DYNC2I1: variants seen among roughly 807,000 people sequenced by gnomAD.
DYNC2I1 encodes the protein cytoplasmic dynein 2 intermediate chain 1.
A neutral mutation model predicts 133.4 loss-of-function variants in DYNC2I1; 89 were observed. The ratio of observed to expected loss-of-function variants is 0.67; its 90% confidence interval spans 0.56 to 0.80. The LOEUF (loss-of-function observed/expected upper bound fraction) is 0.80. Among genes scored for constraint, DYNC2I1 ranks in the 30% least tolerant of loss-of-function variants. The pLI, the probability that DYNC2I1 is intolerant of heterozygous loss-of-function variation, is 0.00. For synonymous variants in DYNC2I1, 504 were observed against 484.3 expected, an observed-to-expected ratio of 1.04 and a Z score of -0.54; for missense variants, 1,291 against 1,314.5, an observed-to-expected ratio of 0.98 and a Z score of 0.28.
In DYNC2I1 at chr7:158,879,285, T is replaced by G. The variant is rs532128789; in HGVS notation, c.574-399T>G. On this transcript the variant is annotated intron_variant, in intron 4 of 24. Transcript: ENST00000407559. Reference sequence around the variant, plus strand: ...AGTTCTGTAAGTTTTCCTCCTTTTATTGTAACATTTATAAAGACAGCACAG... The same window carrying G: ...AGTTCTGTAAGTTTTCCTCCTTTTAGTGTAACATTTATAAAGACAGCACAG... Among the ~76,000 whole-genome samples, 22 of 152,176 alleles carry G rather than the reference T, an allele frequency of 1.4e-4. 1 individual carries two copies. Among genetic ancestry groups the G allele is most frequent in the Non-Finnish European group, 2.5e-4 (17 of 67,974 alleles).
chr7:158,894,443 T>G (rs1845584267), intron 8 of DYNC2I1, among the ~76,000 whole-genome samples: 1 of 152,252 alleles, frequency 6.6e-6, no homozygotes, highest in Non-Finnish European at 1.5e-5. Context: ...AGAATCATAC[T>G]GTTTGTAGCC....
chr7:158,906,006 T>A lies in DYNC2I1; in HGVS notation c.1375T>A (p.Ser459Thr). 3 of 1,613,884 alleles carry A rather than the reference T, an allele frequency of 1.9e-6. No individual in the cohort carries two copies. Among genetic ancestry groups the A allele is most frequent in the Non-Finnish European group, 2.5e-6 (3 of 1,179,818 alleles). Residue 459 changes from serine (S) to threonine (T), a missense_variant, in exon 11 of 25, where the codon TCC (serine) becomes ACC (threonine). Coordinates refer to ENST00000407559, the MANE Select transcript of DYNC2I1 (RefSeq NM_018051.5). ...EPRTDTNSSPSRASVCGIFVD... is the reference protein window; with the variant it reads ...EPRTDTNSSPTRASVCGIFVD... ...TCACACAGATACAAACAGTTCCCCT[T>A]CCAGAGCCTCTGTTTGTGGAATTTT...
At chr7:158,949,480 C>T (rs570567646), downstream of DYNC2I1, among the ~76,000 whole-genome samples, 7 of 151,906 alleles carry the variant, frequency 4.6e-5, no homozygotes, top group South Asian at 6.2e-4. Context: ...AGTGTGTAGA[C>T]GAGAGCCAGG....
the DYNC2I1 span, among the ~76,000 whole-genome samples, chr7:158,850,908 G>A: frequency 1.3e-5 from 2 of 151,948 alleles, no homozygotes; most frequent in Admixed American, 6.6e-5. Flanking sequence ...TTTATGAGGA[G>A]CTGCTGGAGT....
At chr7:158,956,908 C>T (rs190749670), downstream of DYNC2I1, among the ~76,000 whole-genome samples, 5 of 152,312 alleles carry the variant, frequency 3.3e-5, no homozygotes, top group Admixed American at 3.3e-4. Flanking sequence ...TTCGAGCAAG[C>T]GTGGCTGGAC....
chr7:158,934,339 ATTGT>A lies in DYNC2I1; in HGVS notation c.2647-75_2647-72del, dbSNP rs1287279937. On this transcript the variant is annotated intron_variant, in intron 22 of 24. Transcript: ENST00000407559. ...TTACTCTTTTCTTTATAAAGTTTAA[ATTGT>A]TTGAGGAACAGTAGCTGTATCCAAT... The A allele has an allele frequency of 1.9e-6, 3 of 1,544,662 alleles. No individual in the cohort carries two copies. In the East Asian group the frequency reaches 6.9e-5, roughly 35 times the overall value.
rs76275004 is a variant in DYNC2I1, at chr7:158,914,043, A to G, written c.1703-190A>G. 5.9e-5 allele frequency among the ~76,000 whole-genome samples: 9 copies of G among 152,324 alleles called. No homozygotes were observed. The East Asian group carries it at 1.3e-3, about 23-fold the overall frequency. On this transcript the variant is annotated intron_variant, in intron 13 of 24. Transcript: ENST00000407559. The stretch of plus-strand genomic sequence containing the variant: ...TTTCTAAATGCATTTACAGACTTCT[A>G]TAAAACAATATGCAGTTGTTTTGGG...
intron 8 of DYNC2I1, among the ~76,000 whole-genome samples, chr7:158,897,013 T>A (rs1037532763): frequency 6.7e-6 from 1 of 149,270 alleles, no homozygotes; most frequent in Non-Finnish European, 1.5e-5. Context: ...AGACAGAGTC[T>A]CTCTCTGTCT....
chr7:158,850,106 G>A, the DYNC2I1 span, among the ~76,000 whole-genome samples: 5 of 152,244 alleles, frequency 3.3e-5, no homozygotes, highest in Non-Finnish European at 7.3e-5. Flanking sequence ...CCCTGAGCCT[G>A]CAGAGCTGGG....
chr7:158,893,537 G>GA (rs1845441172), intron 8 of DYNC2I1, among the ~76,000 whole-genome samples: 2 of 152,130 alleles, frequency 1.3e-5, no homozygotes, highest in Non-Finnish European at 2.9e-5. Flanking sequence ...ATAATTTATT[G>GA]ACTGCAGCAC....
chr7:158,844,046 A>G, the DYNC2I1 span, among the ~76,000 whole-genome samples: 1 of 152,302 alleles, frequency 6.6e-6, no homozygotes, highest in South Asian at 2.1e-4. Context: ...TCTCCAGCTC[A>G]ATGGATCTAT....
chr7:158,887,005 T>G lies in DYNC2I1; in HGVS notation c.936-16T>G, dbSNP rs889774348. On this transcript the variant is annotated splice_polypyrimidine_tract_variant and intron_variant, in intron 6 of 24. Coordinates refer to ENST00000407559, the MANE Select transcript of DYNC2I1 (RefSeq NM_018051.5). Reference sequence around the variant, plus strand: ...ATTTAAAGTAAGTTTTGATTTTGATTATGTTTGCTTTCCAGGCATGCTGAG... The same window carrying G: ...ATTTAAAGTAAGTTTTGATTTTGATGATGTTTGCTTTCCAGGCATGCTGAG... 3.0e-5 allele frequency: 49 copies of G among 1,612,614 alleles called. No individual in the cohort carries two copies. Among genetic ancestry groups the G allele is most frequent in the Non-Finnish European group, 4.1e-5 (48 of 1,178,966 alleles).
intron 6 of DYNC2I1, among the ~76,000 whole-genome samples, chr7:158,886,122 T>G (rs1270332440): frequency 6.6e-6 from 1 of 151,466 alleles, no homozygotes; most frequent in Non-Finnish European, 1.5e-5. Flanking sequence ...TATAGAAAAT[T>G]TCTACAACTC....
intron 15 of DYNC2I1, among the ~76,000 whole-genome samples, chr7:158,920,023 G>T (rs538799010): frequency 3.1e-4 from 47 of 152,028 alleles, no homozygotes; most frequent in African/African-American, 1.1e-3. Flanking sequence ...AAGTGTGTGT[G>T]TGTACCACAG....
intron 23 of DYNC2I1, among the ~76,000 whole-genome samples, chr7:158,940,861 A>G (rs1377225386): frequency 1.3e-5 from 2 of 152,228 alleles, no homozygotes; most frequent in African/African-American, 2.4e-5. Context: ...ATAGTAATAA[A>G]TGCCTACATC....
the DYNC2I1 span, among the ~76,000 whole-genome samples, chr7:158,846,101 A>T: frequency 6.6e-6 from 1 of 152,138 alleles, no homozygotes; most frequent in South Asian, 2.1e-4. Flanking sequence ...CTGTACAAAA[A>T]TACAAAAATT....
chr7:158,877,341 G>A (rs1843457972), intron 4 of DYNC2I1, among the ~76,000 whole-genome samples: 1 of 152,222 alleles, frequency 6.6e-6, no homozygotes, highest in South Asian at 2.1e-4. Flanking sequence ...CCAGGCACCT[G>A]CGGTTCTGGA....
chr7:158,935,753 T>G (rs868513231), intron 23 of DYNC2I1, among the ~76,000 whole-genome samples: 2 of 152,142 alleles, frequency 1.3e-5, no homozygotes, highest in Admixed American at 1.3e-4. Flanking sequence ...GAAGAATTAG[T>G]GTGAATAAAA....
chr7:158,934,436 A>G lies in DYNC2I1; in HGVS notation c.2665A>G (p.Thr889Ala). The change falls in exon 23 of 25, where the codon ACA becomes GCA. Residue 889 changes from threonine (T) to alanine (A), a missense_variant. Thr to Ala is a moderately conservative substitution (Grantham distance 58, BLOSUM62 0). Coordinates refer to ENST00000407559, the MANE Select transcript of DYNC2I1 (RefSeq NM_018051.5). The stretch of plus-strand genomic sequence containing the variant: ...TTCACAGGGTCTCATAAGCCATGGC[A>G]CAAGACAAGATTTGAGAGTGGCTCC... ...GTDMGLISHG[T>A]RQDLRVAPKL... The G allele has an allele frequency of 6.2e-7, 1 of 1,602,770 alleles. No individual in the cohort carries two copies. Among genetic ancestry groups the G allele is most frequent in the Non-Finnish European group, 8.5e-7 (1 of 1,174,306 alleles).
Sources: gnomAD v4.1 joint callset for allele counts (sites outside exome capture counted in the v4.1 genomes callset) on GRCh38, gnomAD v4.1.1 for gene constraint, MANE v1.5 for transcripts, NCBI Gene and HGNC (gene_info 2026-07-23, HGNC 2026-07-21) for gene names.